The following C5orf52 variants were observed in gnomAD, a reference collection of about 807,000 sequenced individuals.
C5orf52 encodes chromosome 5 open reading frame 52, also known as uncharacterized protein C5orf52.
C5orf52 carries 15 observed loss-of-function variants against 16.8 expected under a neutral mutation model. The ratio of observed to expected loss-of-function variants is 0.89; its 90% CI spans 0.60 to 1.38. C5orf52 has a LOEUF of 1.38. C5orf52 is among the 40% of genes most tolerant of loss of function. The probability of loss-of-function intolerance (pLI) is 0.00; values close to 1 mark genes in which losing one functional copy is unlikely to be tolerated. For missense variants in C5orf52, 206 were observed against 213.1 expected (o/e 0.97, Z 0.21); for synonymous variants, 83 against 87.2 (o/e 0.95, Z 0.27).
chr5:157,673,644 T>C (rs2113865049), intron 1 of C5orf52, among the ~76,000 whole-genome samples: 1 of 152,072 alleles, frequency 6.6e-6, no homozygotes, highest in African/African-American at 2.4e-5. Flanking sequence ...AGAAAGAAAA[T>C]ATGAACAATT....
chr5:157,676,325 A>G (rs1243452650), intron 2 of C5orf52, among the ~76,000 whole-genome samples: 4 of 152,118 alleles, frequency 2.6e-5, no homozygotes, highest in Admixed American at 2.6e-4. Flanking sequence ...CACCCACCTC[A>G]GACTCCCAAA....
intron 1 of C5orf52, among the ~76,000 whole-genome samples, chr5:157,673,267 G>A (rs796285976): frequency 6.6e-6 from 1 of 151,986 alleles, no homozygotes; most frequent in African/African-American, 2.4e-5. Context: ...AGCCTGGGAG[G>A]CTGAGGTTGC....
In C5orf52 at chr5:157,679,963, C is replaced by G; in HGVS notation, c.444C>G (p.Asn148Lys). The G allele has an allele frequency of 6.4e-7, 1 of 1,551,688 alleles. No individual in the cohort carries two copies. The highest frequency in any genetic ancestry group is 2.0e-5 in the Admixed American group (1 of 50,990). The change falls in exon 3 of 3, where the codon AAC becomes AAG. Residue 148 changes from asparagine to lysine, a missense_variant. By Grantham distance (94) the Asn-to-Lys change is moderately conservative. Transcript: ENST00000409999. ...GGAGAGAGGAATCCGTGAACAGCAA[C>G]CGGTACTTAACCTTCGGGATACCAC... ...GRWREESVNSNRYLTFGIPPP... is the reference protein window; with the variant it reads ...GRWREESVNSKRYLTFGIPPP...
chr5:157,678,784 C>G (rs1759955160), intron 2 of C5orf52, among the ~76,000 whole-genome samples: 1 of 152,154 alleles, frequency 6.6e-6, no homozygotes, highest in Non-Finnish European at 1.5e-5. Flanking sequence ...CGTGATATCT[C>G]CCTTCCTTGA....
In C5orf52 at chr5:157,675,215, A is replaced by G. The variant is rs996302084; in HGVS notation, c.321+15A>G. 6.9e-6 allele frequency: 10 copies of G among 1,448,848 alleles called. No individual in the cohort carries two copies. In the Admixed American group the frequency reaches 1.6e-4, roughly 23 times the overall value. 89.7% of individuals were successfully genotyped at this position (1,448,848 alleles called of 1,614,324 possible). On this transcript the variant is annotated intron_variant, in intron 2 of 2. Coordinates refer to ENST00000409999, the MANE Select transcript of C5orf52 (RefSeq NM_001145132.2). Reference sequence around the variant, plus strand: ...ATGAGATGGAGGTAAAGTAGCCACAAGCTTTTGCATTAGAGGGTGTTAGTG... The same window carrying G: ...ATGAGATGGAGGTAAAGTAGCCACAGGCTTTTGCATTAGAGGGTGTTAGTG...
Position 157,680,054 on chromosome 5 carries a change from C to G in C5orf52, c.*55C>G. The G allele has an allele frequency of 6.6e-7, 1 of 1,508,472 alleles. No homozygotes were observed. 93.4% of individuals were successfully genotyped at this position (1,508,472 alleles called of 1,614,324 possible). A position where few individuals can be genotyped will look rare whatever the true frequency, so the allele number is the denominator to read the frequency against. ...CCTAGTTCTGGCAAAGGGATCTGCC[C>G]CAGGGTCACGATGACACCAGTGTGA... On this transcript the variant is annotated 3_prime_UTR_variant, in exon 3 of 3. Coordinates refer to ENST00000409999, the MANE Select transcript of C5orf52 (RefSeq NM_001145132.2).
chr5:157,677,987 CAAA>C (rs879784481), intron 2 of C5orf52, among the ~76,000 whole-genome samples: 1 of 139,474 alleles, frequency 7.2e-6, no homozygotes, highest in Non-Finnish European at 1.6e-5. Flanking sequence ...GACCCTGTCT[CAAA>C]AAAAAAAGAA....
rs1468886912 is a variant in C5orf52, at chr5:157,671,839, T to C, written c.212+13T>C. On this transcript the variant is annotated intron_variant, in intron 1 of 2. Coordinates refer to ENST00000409999, the MANE Select transcript of C5orf52 (RefSeq NM_001145132.2). ...CGGTGCTGTTCAGGTGTGGCCCGCA[T>C]GCCCAGAGCGTTCGTCAGACCCTCG... 4 of 1,483,544 alleles carry C rather than the reference T, an allele frequency of 2.7e-6. No individual in the cohort carries two copies. Among genetic ancestry groups the C allele is most frequent in the Non-Finnish European group, 2.7e-6 (3 of 1,109,350 alleles). 91.9% of individuals were successfully genotyped at this position (1,483,544 alleles called of 1,614,324 possible). A position where few individuals can be genotyped will look rare whatever the true frequency, so the allele number is the denominator to read the frequency against.
chr5:157,671,904 C>T (rs1759801129), intron 1 of C5orf52, 78 bp downstream of exon 1: 1 of 1,013,028 alleles, frequency 9.9e-7, no homozygotes, highest in Admixed American at 3.0e-5. Context: ...ACTCGCGCTC[C>T]CCTTAGCCGG....
Position 157,680,044 on chromosome 5 carries a change from G to A in C5orf52, c.*45G>A. On this transcript the variant is annotated 3_prime_UTR_variant, in exon 3 of 3. Coordinates refer to ENST00000409999, the MANE Select transcript of C5orf52 (RefSeq NM_001145132.2). ...GGCCAACCACCCTAGTTCTGGCAAA[G>A]GGATCTGCCCCAGGGTCACGATGAC... 3 of 1,534,796 alleles carry A rather than the reference G, an allele frequency of 2.0e-6. No homozygotes were observed. Among genetic ancestry groups the A allele is most frequent in the East Asian group, 2.4e-5 (1 of 40,828 alleles).
chr5:157,673,103 T>TGAG (rs1203989570), intron 1 of C5orf52, among the ~76,000 whole-genome samples: 7 of 151,980 alleles, frequency 4.6e-5, no homozygotes, highest in Admixed American at 4.6e-4. Context: ...TTTGGGAGGC[T>TGAG]GAGGAGGGTG....
intron 2 of C5orf52, among the ~76,000 whole-genome samples, chr5:157,676,456 A>T (rs886464757): frequency 6.6e-6 from 1 of 152,166 alleles, no homozygotes; most frequent in Admixed American, 6.5e-5. Context: ...TAACATTAAA[A>T]ACAATTGGAG....
intron 1 of C5orf52, among the ~76,000 whole-genome samples, chr5:157,673,437 A>T (rs1014625911): frequency 2.0e-5 from 3 of 152,196 alleles, no homozygotes; most frequent in African/African-American, 7.2e-5. Context: ...TTCAGGCTTC[A>T]TTCATATATA....
intron 2 of C5orf52, among the ~76,000 whole-genome samples, chr5:157,677,050 A>C (rs1256805382): frequency 6.6e-6 from 1 of 151,868 alleles, no homozygotes; most frequent in African/African-American, 2.4e-5. Context: ...TTGCACTTTT[A>C]ATAGAAACGG....
At chr5:157,679,585 C>T (rs978451608) in intron 2 of C5orf52, among the ~76,000 whole-genome samples, 2 of 152,178 alleles carry the variant, frequency 1.3e-5, no homozygotes, top group Non-Finnish European at 1.5e-5. Flanking sequence ...GATCCACCCT[C>T]CTTGGCCTCC....
At chr5:157,676,380 G>C (rs1454392600) in intron 2 of C5orf52, among the ~76,000 whole-genome samples, 1 of 152,084 alleles carries the variant, frequency 6.6e-6, no homozygotes, top group Non-Finnish European at 1.5e-5. Context: ...GCTGCTGCCT[G>C]CTTCTTGACT....
rs188601756 is a variant in C5orf52 at position 157,680,010 on chromosome 5, C to T, written c.*11C>T. The stretch of plus-strand genomic sequence containing the variant: ...CCACCACCAGTTTAAACTCCAGTCT[C>T]CCAAGAAAGGCCAACCACCCTAGTT... On this transcript the variant is annotated 3_prime_UTR_variant, in exon 3 of 3. Transcript: ENST00000409999. 374 of 1,550,150 alleles carry T rather than the reference C, an allele frequency of 2.4e-4. 2 individuals are homozygous for T. The African/African-American group carries it at 3.7e-3, about 15-fold the overall frequency.
At chr5:157,673,359 A>G (rs535433842) in intron 1 of C5orf52, among the ~76,000 whole-genome samples, 1 of 104,838 alleles carries the variant, frequency 9.5e-6, no homozygotes, top group Non-Finnish European at 1.7e-5. Flanking sequence ...ATAAAATAAA[A>G]TAAGAAAAAT....
chr5:157,675,413 G>A (rs1315896938), intron 2 of C5orf52, among the ~76,000 whole-genome samples: 1 of 152,174 alleles, frequency 6.6e-6, no homozygotes, highest in Non-Finnish European at 1.5e-5. Context: ...GAGCCAGAGA[G>A]AAAGACTCCA....
Sources: gnomAD v4.1 joint callset for allele counts (sites outside exome capture counted in the v4.1 genomes callset) on GRCh38, gnomAD v4.1.1 for gene constraint, MANE v1.5 for transcripts, NCBI Gene and HGNC (gene_info 2026-07-23, HGNC 2026-07-21) for gene names.